TRIM71: variants seen among roughly 807,000 people sequenced by gnomAD.
The protein encoded by TRIM71 is E3 ubiquitin-protein ligase TRIM71.
In TRIM71, 9 loss-of-function variants were observed where a neutral mutation model predicts 61.2. The ratio of observed to expected loss-of-function variants is 0.15; its 90% CI spans 0.09 to 0.26. The LOEUF (loss-of-function observed/expected upper bound fraction) is 0.26, where lower values mean the gene tolerates loss of function less well. TRIM71 is among the 10% of genes least tolerant of loss of function. TRIM71 has a pLI of 1.00. For synonymous variants in TRIM71, 645 were observed against 553.2 expected (o/e 1.17, Z -2.33); for missense variants, 998 against 1,238.7 (o/e 0.81, Z 2.92).
chr3:32,831,636 A>G (rs1451904488), intron 1 of TRIM71, among the ~76,000 whole-genome samples: 1 of 148,432 alleles, frequency 6.7e-6, no homozygotes, highest in Non-Finnish European at 1.5e-5. Context: ...ACTCGGGTTC[A>G]AGTGGTTCTC....
intron 3 of TRIM71, among the ~76,000 whole-genome samples, chr3:32,889,628 C>G (rs4909034): frequency 0.36 from 54,268 of 149,440 alleles, 10,250 homozygotes; most frequent in African/African-American, 0.47. Flanking sequence ...TCGCCCTGTT[C>G]CCTAGGTTGG....
intron 1 of TRIM71, among the ~76,000 whole-genome samples, chr3:32,867,300 A>G (rs1366042507): frequency 6.6e-6 from 1 of 152,196 alleles, no homozygotes; most frequent in African/African-American, 2.4e-5. Context: ...TAATACATAT[A>G]ATGGGACTGC....
At chr3:32,874,627 A>T (rs1448281625) in intron 2 of TRIM71, among the ~76,000 whole-genome samples, 1 of 151,826 alleles carries the variant, frequency 6.6e-6, no homozygotes. Context: ...GGTTCACGCC[A>T]TTCTCCTGCC....
At chr3:32,862,660 ATCTG>A (rs1311489345) in intron 1 of TRIM71, among the ~76,000 whole-genome samples, 2 of 152,326 alleles carry the variant, frequency 1.3e-5, no homozygotes, top group East Asian at 3.9e-4. Flanking sequence ...CTACGTCCAA[ATCTG>A]TCTTTCGTGT....
At chr3:32,849,253 A>G (rs1181055272) in intron 1 of TRIM71, among the ~76,000 whole-genome samples, 1 of 151,174 alleles carries the variant, frequency 6.6e-6, no homozygotes, top group Non-Finnish European at 1.5e-5. Context: ...GAGCGAGTTC[A>G]TTTACCTGCC....
chr3:32,870,815 C>T (rs1270467991), intron 1 of TRIM71, among the ~76,000 whole-genome samples: 1 of 152,126 alleles, frequency 6.6e-6, no homozygotes, highest in Non-Finnish European at 1.5e-5. Flanking sequence ...ACTACTTGTT[C>T]TGTTGTTGTT....
Position 32,891,694 on chromosome 3 carries a change from G to A in TRIM71, c.2490G>A (p.Lys830=). 6.2e-7 allele frequency: 1 copy of A among 1,614,148 alleles called. No homozygotes were observed. Among genetic ancestry groups the A allele is most frequent in the South Asian group, 1.1e-5 (1 of 91,076 alleles). The change falls in exon 4 of 4, where the codon AAG becomes AAA. Residue 830 remains lysine (K), a synonymous_variant. Transcript: ENST00000383763. The surrounding 1 kb of genome is among the most constrained non-coding windows in gnomAD (Gnocchi z 8.2). ...AATCCAACGGCAGCTTCCTGTGCAAGTTTGGTGCTCAAGGCAGCGGCTTTG... is the reference window on the plus strand; with the variant it reads ...AATCCAACGGCAGCTTCCTGTGCAAATTTGGTGCTCAAGGCAGCGGCTTTG... ...MFESNGSFLC[K]FGAQGSGFGQ... is the part of the protein sequence containing the mutation.
chr3:32,863,195 CTTTTTTTTTTTTTT>C (rs11348995), intron 1 of TRIM71, among the ~76,000 whole-genome samples: 3 of 53,716 alleles, frequency 5.6e-5, no homozygotes, highest in Non-Finnish European at 6.7e-5. Flanking sequence ...TTAATTGAAC[CTTTTTTTTTTTTTT>C]TTTTTTTTTT....
At chr3:32,869,845 C>T (rs1376200731) in intron 1 of TRIM71, among the ~76,000 whole-genome samples, 1 of 152,186 alleles carries the variant, frequency 6.6e-6, no homozygotes, top group South Asian at 2.1e-4. Context: ...CAAGCCTCCT[C>T]CATTTAGCTG....
intron 1 of TRIM71, among the ~76,000 whole-genome samples, chr3:32,827,123 A>G (rs1413068398): frequency 6.6e-6 from 1 of 152,134 alleles, no homozygotes; most frequent in Non-Finnish European, 1.5e-5. Context: ...ATTAGCAGTC[A>G]GTTGTATTTC....
In TRIM71 at chr3:32,818,818, T is replaced by C. The variant is rs1231914005; in HGVS notation, c.738T>C (p.Gly246=). 1 of 1,610,388 alleles carries C rather than the reference T, an allele frequency of 6.2e-7. No individual in the cohort carries two copies. Among genetic ancestry groups the C allele is most frequent in the Non-Finnish European group, 8.5e-7 (1 of 1,178,728 alleles). Reference sequence around the variant, plus strand: ...TCGAGCGCGGCCCGCCGGGTCCCGGTGCCGCAGCAGCGGCGCAGCAGCTCG... The same window carrying C: ...TCGAGCGCGGCCCGCCGGGTCCCGGCGCCGCAGCAGCGGCGCAGCAGCTCG... The part of the protein sequence containing the change: ...HYIERGPPGP[G]AAAAAQQLGL... Residue 246 remains glycine (G), a synonymous_variant, in exon 1 of 4, where the codon GGT becomes GGC. Transcript: ENST00000383763.
At chr3:32,873,032 AG>A (rs1696812547) in intron 1 of TRIM71, among the ~76,000 whole-genome samples, 1 of 150,246 alleles carries the variant, frequency 6.7e-6, no homozygotes, top group Non-Finnish European at 1.5e-5. Flanking sequence ...GTTTATTAGC[AG>A]GTAAAGGTTG....
At chr3:32,878,307 G>A (rs984530327) in intron 2 of TRIM71, among the ~76,000 whole-genome samples, 1 of 152,138 alleles carries the variant, frequency 6.6e-6, no homozygotes, top group East Asian at 1.9e-4. Flanking sequence ...TGAACAGTGG[G>A]TTTAAAATAT....
At chr3:32,829,065 C>T (rs1335920466) in intron 1 of TRIM71, among the ~76,000 whole-genome samples, 1 of 151,846 alleles carries the variant, frequency 6.6e-6, no homozygotes, top group Non-Finnish European at 1.5e-5. Context: ...GTGATCTCGG[C>T]TCACTGCAAC....
chr3:32,844,412 C>T (rs1359873553), intron 1 of TRIM71, among the ~76,000 whole-genome samples: 1 of 152,052 alleles, frequency 6.6e-6, no homozygotes, highest in Admixed American at 6.6e-5. Flanking sequence ...ATTCCCTTTC[C>T]CTGAGACTGG....
At chr3:32,875,802 CT>C (rs1696846756) in intron 2 of TRIM71, among the ~76,000 whole-genome samples, 3 of 152,072 alleles carry the variant, frequency 2.0e-5, no homozygotes, top group Admixed American at 1.3e-4. Flanking sequence ...TGCCAGTGCA[CT>C]CCAGCCTGGG....
In TRIM71 at chr3:32,818,886, C is replaced by T; in HGVS notation, c.806C>T (p.Ser269Leu). 1 of 1,612,750 alleles carries T rather than the reference C, an allele frequency of 6.2e-7. No homozygotes were observed. Among genetic ancestry groups the T allele is most frequent in the Non-Finnish European group, 8.5e-7 (1 of 1,179,870 alleles). ...CCCGGCCCGCCCTTCTCCATCCTCT[C>T]AGTGTTTCCCGAGCGCCTCGGCTTC... Reference protein sequence around the residue: ...PFPGPPFSILSVFPERLGFCQ... With the variant: ...PFPGPPFSILLVFPERLGFCQ... The change falls in exon 1 of 4, where the codon TCA becomes TTA. Residue 269 changes from serine to leucine, a missense_variant. Physicochemically the swap from Ser to Leu is moderately radical, Grantham distance 145 (BLOSUM62 -2). Coordinates refer to ENST00000383763, the MANE Select transcript of TRIM71 (RefSeq NM_001039111.3).
rs951403472 is a variant in TRIM71 at position 32,819,309 on chromosome 3, G to A, written c.852+377G>A. Among the ~76,000 whole-genome samples the A allele has an allele frequency of 2.0e-4, 31 of 152,292 alleles. No homozygotes were observed. The South Asian group carries it at 2.5e-3, about 12-fold the overall frequency. ...GTGGGCACACCAGAGGCCTCCCAAC[G>A]TGCTGAGAAGGCGCTCCTTTATTTT... is the stretch of plus-strand genomic sequence containing the variant. On this transcript the variant is annotated intron_variant, in intron 1 of 3. Coordinates refer to ENST00000383763, the MANE Select transcript of TRIM71 (RefSeq NM_001039111.3).
In TRIM71 at chr3:32,892,968, T is replaced by C. The variant is rs575908199; in HGVS notation, c.*1157T>C. On this transcript the variant is annotated 3_prime_UTR_variant, in exon 4 of 4. Coordinates refer to ENST00000383763, the MANE Select transcript of TRIM71 (RefSeq NM_001039111.3). ...TGACCCGCGAGTGCATGTTGTTCTG[T>C]AGTGCTAGGGGTTTCTTTTCCTAAG... 5 of 152,160 alleles carry C rather than the reference T, an allele frequency of 3.3e-5. No homozygotes were observed. The highest frequency in any genetic ancestry group is 7.4e-5 in the Non-Finnish European group (5 of 68,018). 9.4% of individuals were successfully genotyped at this position (152,160 alleles called of 1,614,324 possible).
Sources: gnomAD v4.1 joint callset for allele counts (sites outside exome capture counted in the v4.1 genomes callset) on GRCh38, gnomAD v4.1.1 for gene constraint, Gnocchi (gnomAD v3.1) non-coding constraint, MANE v1.5 for transcripts, NCBI Gene and HGNC (gene_info 2026-07-23, HGNC 2026-07-21) for gene names.